The following RILPL1 variants were observed in gnomAD, a reference collection of about 807,000 sequenced individuals.
RILPL1 encodes RILP-like protein 1.
A neutral mutation model predicts 50.3 loss-of-function variants in RILPL1; 33 were observed. The ratio of observed to expected loss-of-function variants is 0.66; its 90% CI spans 0.50 to 0.88. The LOEUF is 0.88. RILPL1 is among the 40% of genes least tolerant of loss of function. The probability of loss-of-function intolerance (pLI) is 0.00; values close to 1 mark genes in which losing one functional copy is unlikely to be tolerated. For synonymous variants in RILPL1, 205 were observed against 228.6 expected (o/e 0.90, Z 0.93); for missense variants, 418 against 542.5 (o/e 0.77, Z 2.28).
At chr12:123,506,501 G>A (rs1192477826) in intron 2 of RILPL1, among the ~76,000 whole-genome samples, 1 of 152,174 alleles carries the variant, frequency 6.6e-6, no homozygotes, top group Non-Finnish European at 1.5e-5. Context: ...CTTCCAGCAG[G>A]GGTGGGCGTC....
intron 1 of RILPL1, among the ~76,000 whole-genome samples, chr12:123,529,976 T>C (rs1181092752): frequency 1.3e-5 from 2 of 152,058 alleles, no homozygotes; most frequent in Admixed American, 6.6e-5. Context: ...TGTTGAGCAT[T>C]TGACATGTGG....
At chr12:123,521,693 A>G (rs374218722) in intron 2 of RILPL1, among the ~76,000 whole-genome samples, 1 of 17,252 alleles carries the variant, frequency 5.8e-5, no homozygotes, top group Non-Finnish European at 1.8e-4. Flanking sequence ...ATACACACAT[A>G]TATGTATATA....
In RILPL1 at chr12:123,470,253, G is replaced by C. The variant is rs1024986547; in HGVS notation, c.*2285C>G. On this transcript the variant is annotated 3_prime_UTR_variant, in exon 7 of 7. Coordinates refer to ENST00000376874, the MANE Select transcript of RILPL1 (RefSeq NM_178314.5). ...AGCACTTTGGGAGGCTGGGGTGTGA[G>C]GATCACTTGAGCCCAGGAGTTTGAG... 6.6e-6 allele frequency: 1 copy of C among 151,892 alleles called. No homozygotes were observed. Among genetic ancestry groups the C allele is most frequent in the Non-Finnish European group, 1.5e-5 (1 of 67,992 alleles). The allele number at this position is 151,892 out of a possible 1,614,324, so 9.4% of individuals were successfully genotyped here.
chr12:123,532,709 G>T lies in RILPL1; in HGVS notation c.309+465C>A, dbSNP rs28690934. Among the ~76,000 whole-genome samples, 14 of 136,694 alleles carry T rather than the reference G, an allele frequency of 1.0e-4. 1 individual carries two copies. Among genetic ancestry groups the T allele is most frequent in the African/African-American group, 3.5e-4 (13 of 37,288 alleles). The allele number at this position is 136,694 out of a possible 152,430, so 89.7% of individuals were successfully genotyped here. ...CCCTTTGCTCTGGGGAGACTGGGGG[G>T]GGGGGGGATGAAGAAAGGGTCCTGG... On this transcript the variant is annotated intron_variant, in intron 1 of 6. Transcript: ENST00000376874.
intron 2 of RILPL1, among the ~76,000 whole-genome samples, chr12:123,517,798 A>C (rs1392416451): frequency 6.6e-6 from 1 of 152,172 alleles, no homozygotes; most frequent in Non-Finnish European, 1.5e-5. Context: ...GCCTCTCCAA[A>C]TGGACATATG....
At chr12:123,525,064 G>A (rs540599908) in intron 1 of RILPL1, among the ~76,000 whole-genome samples, 6 of 152,230 alleles carry the variant, frequency 3.9e-5, no homozygotes, top group East Asian at 1.9e-4. Flanking sequence ...GCTGGGAAGC[G>A]GAGTTTGCAG....
At chr12:123,495,677 G>GTT (rs33979230) in intron 4 of RILPL1, among the ~76,000 whole-genome samples, 23 of 103,406 alleles carry the variant, frequency 2.2e-4, no homozygotes, top group Non-Finnish European at 2.8e-4. Flanking sequence ...CCTGGCCCCA[G>GTT]TTTTTTTTTT....
intron 2 of RILPL1, among the ~76,000 whole-genome samples, chr12:123,501,624 G>A (rs2139343563): frequency 6.6e-6 from 1 of 150,980 alleles, no homozygotes; most frequent in Non-Finnish European, 1.5e-5. Flanking sequence ...GCTAGCCCTG[G>A]TGGTGAGCGC....
At chr12:123,478,706 C>T (rs1336058595) in intron 6 of RILPL1, among the ~76,000 whole-genome samples, 3 of 152,164 alleles carry the variant, frequency 2.0e-5, no homozygotes, top group Admixed American at 6.6e-5. Flanking sequence ...CCTGCTTCCC[C>T]GGTCCCCCCT....
intron 4 of RILPL1, among the ~76,000 whole-genome samples, chr12:123,494,076 C>T (rs1388728066): frequency 1.3e-5 from 2 of 152,120 alleles, no homozygotes; most frequent in Non-Finnish European, 2.9e-5. Flanking sequence ...TGGGCCACTG[C>T]GCCTGGCCCT....
At chr12:123,501,265 T>C (rs1883362134) in intron 2 of RILPL1, among the ~76,000 whole-genome samples, 1 of 151,768 alleles carries the variant, frequency 6.6e-6, no homozygotes, top group African/African-American at 2.4e-5. Context: ...AACAAGACCC[T>C]GTTTCTACAA....
chr12:123,486,543 A>C (rs1361847678), intron 4 of RILPL1, among the ~76,000 whole-genome samples: 2 of 152,218 alleles, frequency 1.3e-5, no homozygotes, highest in Non-Finnish European at 2.9e-5. Context: ...AAAAGTGAAC[A>C]ATTTGGAAGT....
Position 123,489,825 on chromosome 12 carries a change from A to G in RILPL1, c.802-4020T>C, listed in dbSNP as rs766968309. Among the ~76,000 whole-genome samples, 2 of 152,134 alleles carry G rather than the reference A, an allele frequency of 1.3e-5. No individual in the cohort carries two copies. Among genetic ancestry groups the G allele is most frequent in the African/African-American group, 2.4e-5 (1 of 41,426 alleles). On this transcript the variant is annotated intron_variant, in intron 4 of 6. Transcript: ENST00000376874. The surrounding 1 kb of genome is among the most constrained non-coding windows in gnomAD (Gnocchi z 4.0). Reference sequence around the variant, plus strand: ...TTAGTAGTATAGATCAGAGGTTGCAAACTAAGCTCTTAGACCATCCCAGTG... The same window carrying G: ...TTAGTAGTATAGATCAGAGGTTGCAGACTAAGCTCTTAGACCATCCCAGTG...
intron 4 of RILPL1, among the ~76,000 whole-genome samples, chr12:123,497,562 AT>A (rs558685224): frequency 0.023 from 3,398 of 150,464 alleles, 108 homozygotes; most frequent in African/African-American, 0.074. Context: ...CTAATTTTGT[AT>A]TTTTTTTTAG....
intron 2 of RILPL1, chr12:123,513,282 C>G: frequency 3.3e-6 from 1 of 302,468 alleles, no homozygotes. Context: ...AAGCCACAAA[C>G]TCCTCCCGAC....
At chr12:123,484,318 T>G (rs1882190793) in intron 5 of RILPL1, 46 bp from the exon 6 acceptor site, 1 of 1,262,424 alleles carries the variant, frequency 7.9e-7, no homozygotes, top group African/African-American at 1.5e-5. Flanking sequence ...AAAAGTTCCT[T>G]GAGAACTGGA....
At position 123,522,139 on chromosome 12, in the gene RILPL1, C is replaced by T. The variant is rs761356836; in HGVS notation, c.460+1356G>A. Among the ~76,000 whole-genome samples the T allele has an allele frequency of 2.6e-5, 4 of 152,122 alleles. No individual in the cohort carries two copies. Among genetic ancestry groups the T allele is most frequent in the South Asian group, 2.1e-4 (1 of 4,830 alleles). ...TGAAGTTGGGCACCCACCCCAGGTCCGTCCCCGTTCCATCAAACATGAGGA... is the reference window on the plus strand; with the variant it reads ...TGAAGTTGGGCACCCACCCCAGGTCTGTCCCCGTTCCATCAAACATGAGGA... On this transcript the variant is annotated intron_variant, in intron 2 of 6. Transcript: ENST00000376874. This position sits in a 1 kb window ranked among gnomAD's most constrained non-coding sequence, Gnocchi z 4.0.
chr12:123,521,980 G>A (rs555038904), intron 2 of RILPL1, among the ~76,000 whole-genome samples: 27 of 151,814 alleles, frequency 1.8e-4, no homozygotes, highest in Non-Finnish European at 2.5e-4. Flanking sequence ...TCATCACGTT[G>A]GCCAGGCCTC....
In RILPL1 at chr12:123,533,241, C is replaced by T; in HGVS notation, c.242G>A (p.Arg81His). 6.3e-7 allele frequency: 1 copy of T among 1,593,486 alleles called. No homozygotes were observed. Among genetic ancestry groups the T allele is most frequent in the Non-Finnish European group, 8.5e-7 (1 of 1,175,962 alleles). ...HHVAPELDEL[R>H]LELDRLRLER... ...CAGGCGCAGGCGGTCCAGCTCCAGG[C>T]GCAGCTCGTCCAGCTCGGGCGCGAC... Residue 81 changes from arginine to histidine, a missense_variant, in exon 1 of 7, where the codon CGC becomes CAC. Transcript: ENST00000376874. This position sits in a 1 kb window ranked among gnomAD's most constrained non-coding sequence, Gnocchi z 6.2.
Sources: allele counts gnomAD v4.1 joint callset (sites outside exome capture counted in the v4.1 genomes callset), GRCh38; gene constraint gnomAD v4.1.1; non-coding constraint Gnocchi (gnomAD v3.1); transcripts MANE v1.5; gene names NCBI Gene and HGNC (gene_info 2026-07-23, HGNC 2026-07-21).